ROBO1: variants seen among roughly 807,000 people sequenced by gnomAD.
The protein encoded by ROBO1 is roundabout homolog 1.
ROBO1 carries 149 observed loss-of-function variants against 195.9 expected under a neutral mutation model. The observed-to-expected ratio is 0.76, with a 90% confidence interval of 0.67 to 0.87. ROBO1 has a LOEUF of 0.87. ROBO1 is among the 40% of genes least tolerant of loss of function. ROBO1 has a pLI of 0.00. For missense variants in ROBO1, 1,933 were observed against 2,068.3 expected (o/e 0.93, Z 1.27); for synonymous variants, 816 against 733.2 (o/e 1.11, Z -1.82).
rs929893411 is a variant in ROBO1 at position 79,186,915 on chromosome 3, C to T, written c.89-61376G>A. Among the ~76,000 whole-genome samples, 99 of 152,136 alleles carry T rather than the reference C, an allele frequency of 6.5e-4. 2 individuals are homozygous for T. The highest frequency in any genetic ancestry group is 2.3e-3 in the African/African-American group (97 of 41,514). ...ACAGGACTGGGAGTGTAAGTGATAA[C>T]GATGATTTATCTGGGAAAGCTTTAC... is the stretch of plus-strand genomic sequence containing the variant. On this transcript the variant is annotated intron_variant, in intron 2 of 30. Transcript: ENST00000464233.
intron 1 of ROBO1, among the ~76,000 whole-genome samples, chr3:79,636,799 G>T (rs1015437519): frequency 1.3e-5 from 2 of 152,178 alleles, no homozygotes; most frequent in South Asian, 4.1e-4. Flanking sequence ...GGATACTACT[G>T]AAATGACTTT....
chr3:79,369,414 A>AC (rs1462855330), intron 2 of ROBO1, among the ~76,000 whole-genome samples: 1 of 152,180 alleles, frequency 6.6e-6, no homozygotes, highest in East Asian at 1.9e-4. Flanking sequence ...CAGCTATAAA[A>AC]CTGTCTTCTT....
At chr3:78,650,885 C>T (rs777009140) in intron 19 of ROBO1, among the ~76,000 whole-genome samples, 10 of 152,088 alleles carry the variant, frequency 6.6e-5, no homozygotes, top group Non-Finnish European at 1.2e-4. Context: ...GGACTTACAA[C>T]CATCTAACCT....
chr3:78,911,656 G>A (rs913981800), intron 4 of ROBO1, among the ~76,000 whole-genome samples: 4 of 152,138 alleles, frequency 2.6e-5, no homozygotes, highest in Admixed American at 2.6e-4. Flanking sequence ...TGCCTTTGGG[G>A]AATTTTGAGA....
At chr3:79,040,432 A>G (rs2078465692) in intron 3 of ROBO1, among the ~76,000 whole-genome samples, 1 of 152,346 alleles carries the variant, frequency 6.6e-6, no homozygotes, top group South Asian at 2.1e-4. Flanking sequence ...AAGAGCTTAT[A>G]ATCTTAAAAA....
rs141993497 is a variant in ROBO1 at position 79,654,977 on chromosome 3, T to C, written c.-50-65016A>G. 6.6e-5 allele frequency among the ~76,000 whole-genome samples: 10 copies of C among 152,120 alleles called. No homozygotes were observed. The East Asian group carries it at 1.7e-3, about 27-fold the overall frequency. On this transcript the variant is annotated intron_variant, in intron 1 of 30. Coordinates refer to ENST00000464233, the MANE Select transcript of ROBO1 (RefSeq NM_002941.4). Reference sequence around the variant, plus strand: ...TTTATGGTTCAATCCTAAAGTATAATGTGGGAAGTGGGATTGGTATTTAGC... The same window carrying C: ...TTTATGGTTCAATCCTAAAGTATAACGTGGGAAGTGGGATTGGTATTTAGC...
chr3:79,319,234 T>C (rs1249834937), intron 2 of ROBO1, among the ~76,000 whole-genome samples: 1 of 152,186 alleles, frequency 6.6e-6, no homozygotes, highest in Non-Finnish European at 1.5e-5. Context: ...TTTAATAGGC[T>C]CATGTAGCTA....
intron 4 of ROBO1, among the ~76,000 whole-genome samples, chr3:78,777,788 G>A (rs763902585): frequency 1.4e-4 from 21 of 152,224 alleles, no homozygotes; most frequent in African/African-American, 3.6e-4. Context: ...AAACAGAGAC[G>A]ATTTGACTTC....
At chr3:79,759,268 G>A (rs1440600907) in intron 1 of ROBO1, among the ~76,000 whole-genome samples, 2 of 152,122 alleles carry the variant, frequency 1.3e-5, no homozygotes, top group African/African-American at 4.8e-5. Flanking sequence ...CAATATGATG[G>A]AATAATTTCC....
intron 3 of ROBO1, among the ~76,000 whole-genome samples, chr3:79,099,570 T>G (rs141386428): frequency 6.6e-6 from 1 of 151,802 alleles, no homozygotes; most frequent in East Asian, 2.0e-4. Flanking sequence ...CCTTGGTTTG[T>G]AGCTCAATGG....
At chr3:79,432,374 G>T (rs1357607739) in intron 2 of ROBO1, among the ~76,000 whole-genome samples, 1 of 152,022 alleles carries the variant, frequency 6.6e-6, no homozygotes, top group East Asian at 1.9e-4. Context: ...GAGACAATTT[G>T]GTTAAAGGGG....
intron 3 of ROBO1, among the ~76,000 whole-genome samples, chr3:78,940,007 A>C (rs547153982): frequency 1.3e-5 from 2 of 152,264 alleles, no homozygotes; most frequent in African/African-American, 2.4e-5. Flanking sequence ...ATGATGTTTC[A>C]TATTTTATAA....
intron 3 of ROBO1, among the ~76,000 whole-genome samples, chr3:79,050,286 C>A (rs1014962752): frequency 1.3e-5 from 2 of 151,994 alleles, no homozygotes; most frequent in Non-Finnish European, 2.9e-5. Flanking sequence ...CAACAAAGAT[C>A]AAAAGAGACA....
Position 79,078,959 on chromosome 3 carries a change from A to G in ROBO1, c.172+46497T>C, listed in dbSNP as rs575614706. ...ATTATATTGAATTCACACTATCATC[A>G]AAGTGCAGGCTCTTTAAGATAGAAA... On this transcript the variant is annotated intron_variant, in intron 3 of 30. Coordinates refer to ENST00000464233, the MANE Select transcript of ROBO1 (RefSeq NM_002941.4). Among the ~76,000 whole-genome samples, 35 of 151,888 alleles carry G rather than the reference A, an allele frequency of 2.3e-4. 1 individual carries two copies. The highest frequency in any genetic ancestry group is 6.8e-3 in the Middle Eastern group (2 of 294).
intron 1 of ROBO1, among the ~76,000 whole-genome samples, chr3:79,646,157 G>A (rs1055297393): frequency 1.3e-5 from 2 of 151,910 alleles, no homozygotes; most frequent in Admixed American, 1.3e-4. Flanking sequence ...AACAGAATGA[G>A]AAAAGAAAGG....
chr3:79,699,468 C>A (rs986339871), intron 1 of ROBO1, among the ~76,000 whole-genome samples: 2 of 151,486 alleles, frequency 1.3e-5, no homozygotes, highest in Non-Finnish European at 3.0e-5. Context: ...AAATTGACCC[C>A]TATATAAATA....
intron 4 of ROBO1, among the ~76,000 whole-genome samples, chr3:78,873,283 A>C (rs1273317012): frequency 6.6e-6 from 1 of 152,114 alleles, no homozygotes; most frequent in Non-Finnish European, 1.5e-5. Flanking sequence ...AAGGGGATGC[A>C]TTGTGCCACT....
chr3:79,419,872 A>G (rs4130991), intron 2 of ROBO1, among the ~76,000 whole-genome samples: 52,170 of 151,956 alleles, frequency 0.34, 10,138 homozygotes, highest in Admixed American at 0.48. Context: ...TGACCTTAAC[A>G]TCATTTCATA....
intron 2 of ROBO1, among the ~76,000 whole-genome samples, chr3:79,191,747 T>G (rs1012595946): frequency 6.6e-6 from 1 of 151,414 alleles, no homozygotes; most frequent in Non-Finnish European, 1.5e-5. Context: ...ATGCTTTAAT[T>G]AATGTACTTT....
Sources: allele counts gnomAD v4.1 joint callset (sites outside exome capture counted in the v4.1 genomes callset), GRCh38; gene constraint gnomAD v4.1.1; transcripts MANE v1.5; gene names NCBI Gene and HGNC (gene_info 2026-07-23, HGNC 2026-07-21).